Variants in MAST4 observed in about 807,000 individuals in gnomAD.
MAST4 encodes microtubule-associated serine/threonine-protein kinase 4.
In MAST4, 89 loss-of-function variants were observed where a neutral mutation model predicts 162.7. That is an observed-to-expected ratio of 0.55 (90% CI 0.46 to 0.65). MAST4 has a LOEUF of 0.65. Among genes scored for constraint, MAST4 ranks in the 30% least tolerant of loss-of-function variants. The probability of loss-of-function intolerance (pLI) is 0.00; values close to 1 mark genes in which losing one functional copy is unlikely to be tolerated. For synonymous variants in MAST4, 1,479 were observed against 1,361.1 expected (o/e 1.09, Z -1.91); for missense variants, 3,153 against 3,374.0 (o/e 0.93, Z 1.62).
At position 67,059,228 on chromosome 5, in the gene MAST4, C is replaced by T. The variant is rs575029741; in HGVS notation, c.763+4736C>T. Among the ~76,000 whole-genome samples, 8 of 152,326 alleles carry T rather than the reference C, an allele frequency of 5.3e-5. No individual in the cohort carries two copies. The South Asian group carries it at 1.2e-3, about 24-fold the overall frequency. On this transcript the variant is annotated intron_variant, in intron 5 of 28. Transcript: ENST00000403625. ...ATCTTGTAGCCAGCAGGGGCATATC[C>T]GGTCATTCTCGCACTTCAAATCTGA... is the stretch of plus-strand genomic sequence containing the variant.
At chr5:67,000,865 A>C (rs898088236) in intron 4 of MAST4, among the ~76,000 whole-genome samples, 1 of 151,962 alleles carries the variant, frequency 6.6e-6, no homozygotes, top group Non-Finnish European at 1.5e-5. Context: ...GAAGGATTTG[A>C]CCCTTTCTTA....
At chr5:67,151,042 G>C (rs1029356406) in intron 24 of MAST4, among the ~76,000 whole-genome samples, 1 of 152,130 alleles carries the variant, frequency 6.6e-6, no homozygotes, top group East Asian at 1.9e-4. Flanking sequence ...GGCTCCAACC[G>C]AGCTCATGTT....
At position 66,882,837 on chromosome 5, in the gene MAST4, G is replaced by A. The variant is rs867448655; in HGVS notation, c.643-17114G>A. On this transcript the variant is annotated intron_variant, in intron 3 of 28. Coordinates refer to ENST00000403625, the MANE Select transcript of MAST4 (RefSeq NM_001164664.2). ...ACGCAGAAGAGGCATACCTTTTTCT[G>A]AAGCTAAGTAGTATTTATCTCAGCA... is the stretch of plus-strand genomic sequence containing the variant. Among the ~76,000 whole-genome samples the A allele has an allele frequency of 3.3e-5, 5 of 152,166 alleles. No homozygotes were observed. In the South Asian group the frequency reaches 8.3e-4, roughly 25 times the overall value.
At chr5:66,825,734 G>A (rs1434876883) in intron 3 of MAST4, among the ~76,000 whole-genome samples, 1 of 151,976 alleles carries the variant, frequency 6.6e-6, no homozygotes, top group East Asian at 1.9e-4. Flanking sequence ...ATAATAGAGT[G>A]GGCATGTGGC....
intron 21 of MAST4, 104 bp from the exon 22 acceptor site, chr5:67,144,565 C>A (rs1209311613): frequency 8.4e-7 from 1 of 1,187,358 alleles, no homozygotes; most frequent in African/African-American, 1.5e-5. Flanking sequence ...AATATTAGTT[C>A]AGAATTTAGT....
intron 1 of MAST4, among the ~76,000 whole-genome samples, chr5:66,707,928 T>A (rs1175259274): frequency 6.6e-6 from 1 of 152,174 alleles, no homozygotes. Flanking sequence ...AGACTTACCA[T>A]GAAGACAGAG....
At chr5:66,681,126 G>T (rs1748302900) in intron 1 of MAST4, among the ~76,000 whole-genome samples, 1 of 152,224 alleles carries the variant, frequency 6.6e-6, no homozygotes, top group Non-Finnish European at 1.5e-5. Flanking sequence ...AACTTTGCAA[G>T]TTTGTGAAGC....
At chr5:66,606,363 T>C (rs1319198837) in intron 1 of MAST4, among the ~76,000 whole-genome samples, 1 of 152,166 alleles carries the variant, frequency 6.6e-6, no homozygotes, top group Non-Finnish European at 1.5e-5. Flanking sequence ...CTGAACAAGC[T>C]ATTTTTTTTT....
intron 1 of MAST4, among the ~76,000 whole-genome samples, chr5:66,638,677 G>A (rs2149431980): frequency 6.6e-6 from 1 of 152,204 alleles, no homozygotes; most frequent in South Asian, 2.1e-4. Context: ...GAAAGCAAAG[G>A]TATCACTCTC....
intron 4 of MAST4, among the ~76,000 whole-genome samples, chr5:66,992,287 T>A (rs553303143): frequency 6.6e-6 from 1 of 152,316 alleles, no homozygotes; most frequent in South Asian, 2.1e-4. Context: ...TTGATAACTA[T>A]GAGGAAAATA....
chr5:67,088,725 T>C (rs1381842749), intron 5 of MAST4, among the ~76,000 whole-genome samples: 1 of 152,170 alleles, frequency 6.6e-6, no homozygotes, highest in Non-Finnish European at 1.5e-5. Context: ...CATGATAAAT[T>C]TCATTGCAGC....
intron 1 of MAST4, among the ~76,000 whole-genome samples, chr5:66,616,473 G>A (rs1743693061): frequency 6.6e-6 from 1 of 152,226 alleles, no homozygotes; most frequent in Non-Finnish European, 1.5e-5. Flanking sequence ...GACCAGCTCT[G>A]GCTGGCTGGA....
chr5:67,103,844 G>C (rs1765297663), intron 9 of MAST4, among the ~76,000 whole-genome samples: 1 of 152,174 alleles, frequency 6.6e-6, no homozygotes, highest in Non-Finnish European at 1.5e-5. Context: ...CCATCTGAAA[G>C]AGCCCAAGAT....
Position 66,785,636 on chromosome 5 carries a change from A to G in MAST4, c.518-3034A>G, listed in dbSNP as rs183505483. On this transcript the variant is annotated intron_variant, in intron 2 of 28. Transcript: ENST00000403625. Reference sequence around the variant, plus strand: ...ATTTTAGCTATTACTTTATACTTAAAAAGGAAGTTTAAGAAAATTATCTGT... The same window carrying G: ...ATTTTAGCTATTACTTTATACTTAAGAAGGAAGTTTAAGAAAATTATCTGT... Among the ~76,000 whole-genome samples the G allele has an allele frequency of 3.8e-3, 584 of 152,290 alleles. 2 individuals carry two copies. Among genetic ancestry groups the G allele is most frequent in the Non-Finnish European group, 6.5e-3 (445 of 68,026 alleles).
chr5:66,608,355 CTTTTTTTTTTTTTTTTTTTT>C (rs72272071), intron 1 of MAST4, among the ~76,000 whole-genome samples: 2 of 44,416 alleles, frequency 4.5e-5, no homozygotes, highest in Non-Finnish European at 4.0e-5. Flanking sequence ...TGTGCCTGGC[CTTTTTTTTTTTTTTTTTTTT>C]TTTTTTTTTT....
At chr5:66,648,926 T>C (rs1371141854) in intron 1 of MAST4, among the ~76,000 whole-genome samples, 1 of 152,198 alleles carries the variant, frequency 6.6e-6, no homozygotes, top group African/African-American at 2.4e-5. Flanking sequence ...ATTAAAAATA[T>C]TTAAATTTTA....
Position 66,733,178 on chromosome 5 carries a change from G to T in MAST4, c.364-26531G>T, listed in dbSNP as rs140989618. Among the ~76,000 whole-genome samples the T allele has an allele frequency of 5.8e-3, 889 of 152,124 alleles. 8 individuals carry two copies. Among genetic ancestry groups the T allele is most frequent in the South Asian group, 0.057 (272 of 4,810 alleles). On this transcript the variant is annotated intron_variant, in intron 1 of 28. Coordinates refer to ENST00000403625, the MANE Select transcript of MAST4 (RefSeq NM_001164664.2). Reference sequence around the variant, plus strand: ...TGCCTATGAAATACAGGCATTACATGTAAGACTTTTCACTAGACAACCCCT... The same window carrying T: ...TGCCTATGAAATACAGGCATTACATTTAAGACTTTTCACTAGACAACCCCT...
At chr5:67,137,492 A>C (rs1030357988) in intron 19 of MAST4, among the ~76,000 whole-genome samples, 2 of 152,182 alleles carry the variant, frequency 1.3e-5, no homozygotes, top group Admixed American at 1.3e-4. Context: ...GGGCTGTTTC[A>C]TTCTACCCCC....
chr5:67,067,648 A>G (rs1282228528), intron 5 of MAST4, among the ~76,000 whole-genome samples: 3 of 152,022 alleles, frequency 2.0e-5, no homozygotes, highest in Non-Finnish European at 2.9e-5. Flanking sequence ...TGATATTTTC[A>G]TTTTGATATA....
Sources: gnomAD v4.1 joint callset for allele counts (sites outside exome capture counted in the v4.1 genomes callset) on GRCh38, gnomAD v4.1.1 for gene constraint, MANE v1.5 for transcripts, NCBI Gene and HGNC (gene_info 2026-07-23, HGNC 2026-07-21) for gene names.